The following ZNF596 variants were observed in gnomAD, a reference collection of about 807,000 sequenced individuals.
The protein encoded by ZNF596 is zinc finger protein 596.
ZNF596 carries 45 observed loss-of-function variants against 48.3 expected under a neutral mutation model. The ratio of observed to expected loss-of-function variants is 0.93; its 90% CI spans 0.73 to 1.19. ZNF596 has a LOEUF of 1.19. ZNF596 is among the 50% of genes most tolerant of loss of function. ZNF596 has a pLI of 0.00. For missense variants in ZNF596, 848 were observed against 599.7 expected, an observed-to-expected ratio of 1.41 and a Z score of -4.32; for synonymous variants, 270 against 202.0, an observed-to-expected ratio of 1.34 and a Z score of -2.85.
intron 2 of ZNF596, among the ~76,000 whole-genome samples, chr8:242,180 A>G (rs1194195568): frequency 2.0e-5 from 3 of 152,210 alleles, no homozygotes; most frequent in Admixed American, 1.3e-4. Context: ...ACCATCTTTC[A>G]GTACTGAAGT....
At chr8:244,505 C>A in intron 4 of ZNF596, 114 bp from the exon 5 acceptor site, 2 of 710,200 alleles carry the variant, frequency 2.8e-6, no homozygotes, top group Non-Finnish European at 4.9e-6. Flanking sequence ...GTTAATTTAA[C>A]ATTCTTTCCC....
Position 246,440 on chromosome 8 carries a change from T to A in ZNF596, c.*78T>A. 2 of 1,490,950 alleles carry A rather than the reference T, an allele frequency of 1.3e-6. No individual in the cohort carries two copies. Among genetic ancestry groups the A allele is most frequent in the Non-Finnish European group, 1.8e-6 (2 of 1,121,230 alleles). 92.4% of individuals were successfully genotyped at this position (1,490,950 alleles called of 1,614,324 possible). On this transcript the variant is annotated 3_prime_UTR_variant, in exon 6 of 6. Transcript: ENST00000398612. ...AGGAATATTATGTCTGTAATCAGTG[T>A]GGAAAAGCCTTTATTTATATTTACC...
intron 1 of ZNF596, chr8:233,016 G>A: frequency 2.1e-6 from 1 of 468,690 alleles, no homozygotes; most frequent in Non-Finnish European, 4.4e-6. Context: ...TTCCTTGGCA[G>A]GGGCTTCTTC....
intron 2 of ZNF596, among the ~76,000 whole-genome samples, chr8:242,409 G>GA (rs1796888308): frequency 6.8e-6 from 1 of 147,304 alleles, no homozygotes; most frequent in African/African-American, 2.7e-5. Flanking sequence ...TATCTCATTG[G>GA]ACCTTTTTGA....
chr8:246,584 C>A lies in ZNF596; in HGVS notation c.*222C>A, dbSNP rs1797099958. On this transcript the variant is annotated 3_prime_UTR_variant, in exon 6 of 6. Transcript: ENST00000398612. ...AACGTGAGAGAATGAAACTATAGAT[C>A]AAAGGAATGTGGAGGAGTCTTCATC... 2 of 469,312 alleles carry A rather than the reference C, an allele frequency of 4.3e-6. No individual in the cohort carries two copies. Among genetic ancestry groups the A allele is most frequent in the East Asian group, 3.6e-5 (1 of 28,072 alleles). The allele number at this position is 469,312 out of a possible 1,614,324, so 29.1% of individuals were successfully genotyped here.
At chr8:235,759 C>T (rs1345055500) in intron 1 of ZNF596, among the ~76,000 whole-genome samples, 1 of 152,064 alleles carries the variant, frequency 6.6e-6, no homozygotes, top group African/African-American at 2.4e-5. Context: ...CTCAGGAAGG[C>T]AGGAGCTATT....
At chr8:233,880 G>T (rs1163659533) in intron 1 of ZNF596, among the ~76,000 whole-genome samples, 2 of 152,168 alleles carry the variant, frequency 1.3e-5, no homozygotes, top group Admixed American at 6.5e-5. Flanking sequence ...TTAGGGGGCA[G>T]GGATGTTAAG....
chr8:236,796 A>C (rs887127715), intron 1 of ZNF596, among the ~76,000 whole-genome samples: 5 of 152,246 alleles, frequency 3.3e-5, no homozygotes, highest in Admixed American at 3.3e-4. Context: ...CAGGTGGCCA[A>C]AATAAATAGC....
At position 245,471 on chromosome 8, in the gene ZNF596, T is replaced by C. The variant is rs1267748177; in HGVS notation, c.624T>C (p.Ser208=). The change falls in exon 6 of 6, where the codon TCT becomes TCC. Residue 208 remains serine (S), a synonymous_variant. Transcript: ENST00000398612. ...GTGGGAAAACCTTTAGCAAAAATTC[T>C]AATCTTAGGCGACATGAGATGATTC... ...RVCGKTFSKN[S]NLRRHEMIHT... 2 of 1,614,218 alleles carry C rather than the reference T, an allele frequency of 1.2e-6. No homozygotes were observed. The highest frequency in any genetic ancestry group is 2.2e-5 in the East Asian group (1 of 44,878).
chr8:236,601 A>G (rs1796624573), intron 1 of ZNF596, among the ~76,000 whole-genome samples: 1 of 152,170 alleles, frequency 6.6e-6, no homozygotes, highest in African/African-American at 2.4e-5. Context: ...TAAAGATTTT[A>G]TATTATTTTT....
chr8:238,802 C>T (rs915474243), intron 1 of ZNF596, among the ~76,000 whole-genome samples: 6 of 151,192 alleles, frequency 4.0e-5, no homozygotes, highest in South Asian at 2.1e-4. Flanking sequence ...AGTGAAACTC[C>T]GCTTTAAAAA....
intron 2 of ZNF596, 79 bp downstream of exon 2, chr8:240,986 G>T: frequency 6.5e-7 from 1 of 1,539,498 alleles, no homozygotes; most frequent in Middle Eastern, 1.7e-4. Flanking sequence ...TATTAACATG[G>T]ATGTTCTAAG....
intron 1 of ZNF596, among the ~76,000 whole-genome samples, chr8:239,709 G>A (rs1796770773): frequency 6.6e-6 from 1 of 152,226 alleles, no homozygotes; most frequent in Non-Finnish European, 1.5e-5. Flanking sequence ...GCATATGGAT[G>A]TGTTCTTCAC....
intron 1 of ZNF596, among the ~76,000 whole-genome samples, chr8:237,912 G>A (rs1796684214): frequency 1.3e-5 from 2 of 152,164 alleles, no homozygotes; most frequent in African/African-American, 2.4e-5. Context: ...TAGGCACCAT[G>A]AGGTCTGGAC....
chr8:238,525 G>A (rs1796711653), intron 1 of ZNF596, among the ~76,000 whole-genome samples: 1 of 151,106 alleles, frequency 6.6e-6, no homozygotes, highest in African/African-American at 2.4e-5. Context: ...TTCTGGCTGG[G>A]TGCGGTGGCT....
rs145565296 is a variant in ZNF596, at chr8:236,670, T to C, written c.-73+3976T>C. ...AGGTCTATTAATGTGATTTTTTTAA[T>C]CTTTAAAATTACTTTGTGAAAATGA... On this transcript the variant is annotated intron_variant, in intron 1 of 5. Transcript: ENST00000398612. 5.3e-3 allele frequency among the ~76,000 whole-genome samples: 806 copies of C among 152,338 alleles called. 3 individuals are homozygous for C. The highest frequency in any genetic ancestry group is 0.018 in the African/African-American group (740 of 41,574).
Position 245,645 on chromosome 8 carries a change from T to C in ZNF596, c.798T>C (p.Leu266=), listed in dbSNP as rs1797042217. The C allele has an allele frequency of 5.6e-6, 9 of 1,613,824 alleles. No homozygotes were observed. Among genetic ancestry groups the C allele is most frequent in the Non-Finnish European group, 7.6e-6 (9 of 1,179,972 alleles). Residue 266 remains leucine, a synonymous_variant, in exon 6 of 6, where the codon CTT becomes CTC. Coordinates refer to ENST00000398612, the MANE Select transcript of ZNF596 (RefSeq NM_001042416.3). ...CGKAFSKSSN[L]RRHEMIHTRE... ...AAGCCTTCAGTAAAAGTTCTAACCT[T>C]AGACGACATGAGATGATTCACACTA... is the stretch of plus-strand genomic sequence containing the variant.
At chr8:244,450 A>G (rs1796978097) in intron 4 of ZNF596, 169 bp from the exon 5 acceptor site, 1 of 589,842 alleles carries the variant, frequency 1.7e-6, no homozygotes, top group South Asian at 2.2e-5. Flanking sequence ...TATGCTGAAA[A>G]TGTCAGTAGT....
Position 246,474 on chromosome 8 carries a change from C to A in ZNF596, c.*112C>A. 1 of 1,367,942 alleles carries A rather than the reference C, an allele frequency of 7.3e-7. No homozygotes were observed. Among genetic ancestry groups the A allele is most frequent in the Non-Finnish European group, 9.8e-7 (1 of 1,018,790 alleles). The allele number at this position is 1,367,942 out of a possible 1,614,324, so 84.7% of individuals were successfully genotyped here. The stretch of plus-strand genomic sequence containing the variant: ...CTTTATTTATATTTACCACTTTGCT[C>A]AACCTAAATGAATTCAAGGTAGAGA... On this transcript the variant is annotated 3_prime_UTR_variant, in exon 6 of 6. Transcript: ENST00000398612.
Sources: allele counts gnomAD v4.1 joint callset (sites outside exome capture counted in the v4.1 genomes callset), GRCh38; gene constraint gnomAD v4.1.1; transcripts MANE v1.5; gene names NCBI Gene and HGNC (gene_info 2026-07-23, HGNC 2026-07-21).